The following CNTN4 variants were observed in gnomAD, a reference collection of about 807,000 sequenced individuals.
The protein encoded by CNTN4 is contactin 4.
In CNTN4, 77 loss-of-function variants were observed where a neutral mutation model predicts 122.5. The ratio of observed to expected loss-of-function variants is 0.63; its 90% CI spans 0.52 to 0.76. CNTN4 has a LOEUF of 0.76. CNTN4 is among the 30% of genes least tolerant of loss of function. The pLI is 0.00. For missense variants in CNTN4, 1,256 were observed against 1,259.1 expected (o/e 1.00, Z 0.04); for synonymous variants, 512 against 447.0 (o/e 1.15, Z -1.83).
At chr3:2,745,065 C>G (rs997611898) in intron 5 of CNTN4, among the ~76,000 whole-genome samples, 2 of 152,156 alleles carry the variant, frequency 1.3e-5, no homozygotes, top group Non-Finnish European at 2.9e-5. Context: ...AGGACCAAAT[C>G]AAAGCAACTC....
chr3:2,737,607 A>G (rs541653567), intron 5 of CNTN4, among the ~76,000 whole-genome samples: 1 of 152,376 alleles, frequency 6.6e-6, no homozygotes, highest in Non-Finnish European at 1.5e-5. Context: ...GAAATGTCAG[A>G]AGTCTACAAG....
At chr3:2,188,689 G>C (rs2149323007) in intron 2 of CNTN4, among the ~76,000 whole-genome samples, 1 of 152,266 alleles carries the variant, frequency 6.6e-6, no homozygotes, top group Non-Finnish European at 1.5e-5. Flanking sequence ...AGACAGAAAG[G>C]CAGTAATTAG....
intron 3 of CNTN4, among the ~76,000 whole-genome samples, chr3:2,413,558 T>G (rs2047305485): frequency 6.6e-6 from 1 of 152,156 alleles, no homozygotes; most frequent in Non-Finnish European, 1.5e-5. Flanking sequence ...TTCTTTTTTT[T>G]TTTGAGACGG....
chr3:2,217,424 C>T (rs1235531625), intron 2 of CNTN4, among the ~76,000 whole-genome samples: 1 of 152,172 alleles, frequency 6.6e-6, no homozygotes, highest in Non-Finnish European at 1.5e-5. Context: ...TTATTGCTGT[C>T]ACCTCCAGAA....
At chr3:2,556,825 T>C (rs1467889383) in intron 3 of CNTN4, among the ~76,000 whole-genome samples, 1 of 152,188 alleles carries the variant, frequency 6.6e-6, no homozygotes, top group Non-Finnish European at 1.5e-5. Context: ...AGGGTGTGTG[T>C]AGTTTAGTTA....
chr3:2,106,765 A>C (rs1266804777), intron 2 of CNTN4, among the ~76,000 whole-genome samples: 4 of 152,178 alleles, frequency 2.6e-5, no homozygotes, highest in Admixed American at 2.0e-4. Flanking sequence ...AGCTGGCTTG[A>C]ATTTCTCCCC....
At chr3:2,867,957 T>TCAAA (rs2093742654) in intron 8 of CNTN4, among the ~76,000 whole-genome samples, 1 of 152,144 alleles carries the variant, frequency 6.6e-6, no homozygotes, top group Non-Finnish European at 1.5e-5. Flanking sequence ...TTGAATAAAT[T>TCAAA]CAAACAAAGA....
In CNTN4 at chr3:2,981,229, G is replaced by A. The variant is rs527563923; in HGVS notation, c.1359-7116G>A. ...GCAGGCCGAGGCAGGCAGATCACGA[G>A]GTCAGGAGATCGAGACCATCCTGGC... On this transcript the variant is annotated intron_variant, in intron 13 of 24. Coordinates refer to ENST00000418658, the MANE Select transcript of CNTN4 (RefSeq NM_175607.3). 2.2e-4 allele frequency among the ~76,000 whole-genome samples: 33 copies of A among 152,248 alleles called. No homozygotes were observed. The East Asian group carries it at 5.6e-3, about 26-fold the overall frequency.
chr3:2,370,445 A>G (rs1345959622), intron 3 of CNTN4, among the ~76,000 whole-genome samples: 1 of 152,184 alleles, frequency 6.6e-6, no homozygotes, highest in Non-Finnish European at 1.5e-5. Context: ...AGTCAAGTAT[A>G]ATGACATCCA....
intron 2 of CNTN4, among the ~76,000 whole-genome samples, chr3:2,308,586 A>G (rs1275652879): frequency 3.3e-5 from 5 of 152,046 alleles, no homozygotes; most frequent in Admixed American, 2.0e-4. Context: ...ATATTCTGTT[A>G]TCATTTTCAT....
chr3:2,735,835 C>T, intron 4 of CNTN4: 1 of 398,586 alleles, frequency 2.5e-6, no homozygotes, highest in South Asian at 1.9e-5. Context: ...AAAATGTTAG[C>T]TTTATGACAC....
chr3:2,476,804 A>G (rs769582945), intron 3 of CNTN4, among the ~76,000 whole-genome samples: 49 of 152,186 alleles, frequency 3.2e-4, no homozygotes, highest in South Asian at 6.2e-4. Flanking sequence ...GAATTTTTAT[A>G]CTCTGTAAAG....
At chr3:2,789,302 A>G (rs1248397772) in intron 6 of CNTN4, among the ~76,000 whole-genome samples, 1 of 152,240 alleles carries the variant, frequency 6.6e-6, no homozygotes, top group Non-Finnish European at 1.5e-5. Flanking sequence ...GAGCACTTGC[A>G]AGAATTGAAG....
chr3:2,256,549 A>C (rs1018344154), intron 2 of CNTN4, among the ~76,000 whole-genome samples: 6 of 152,190 alleles, frequency 3.9e-5, no homozygotes, highest in African/African-American at 1.4e-4. Context: ...TCAGTAAAAT[A>C]CTGGCAAACC....
At chr3:2,853,726 C>T (rs185891529) in intron 7 of CNTN4, among the ~76,000 whole-genome samples, 3 of 152,174 alleles carry the variant, frequency 2.0e-5, no homozygotes, top group Admixed American at 6.5e-5. Context: ...ACTTTGCGCT[C>T]GCTCTCTGTT....
chr3:2,313,421 A>G, intron 2 of CNTN4, among the ~76,000 whole-genome samples: 1 of 152,094 alleles, frequency 6.6e-6, no homozygotes, highest in East Asian at 1.9e-4. Context: ...CTCCAAAAAA[A>G]TGCAGTGTGC....
At chr3:2,212,279 C>T (rs1472262992) in intron 2 of CNTN4, among the ~76,000 whole-genome samples, 1 of 151,984 alleles carries the variant, frequency 6.6e-6, no homozygotes, top group African/African-American at 2.4e-5. Context: ...CAGACCTCCT[C>T]ATCATGTTGA....
chr3:2,603,115 CAA>C lies in CNTN4; in HGVS notation c.55+31567_55+31568del, dbSNP rs11329361. Among the ~76,000 whole-genome samples the C allele has an allele frequency of 3.3e-3, 497 of 151,020 alleles. 3 individuals are homozygous for C. The highest frequency in any genetic ancestry group is 0.011 in the African/African-American group (472 of 41,260). On this transcript the variant is annotated intron_variant, in intron 4 of 24. Transcript: ENST00000418658. ...TTTTCTGTGCCTCTCAATTTTCTGC[CAA>C]AAAAAAAAATTTCTGAGAATTTTGT... is the stretch of plus-strand genomic sequence containing the variant.
intron 6 of CNTN4, among the ~76,000 whole-genome samples, chr3:2,748,944 T>C (rs1170058138): frequency 6.6e-6 from 1 of 152,206 alleles, no homozygotes; most frequent in African/African-American, 2.4e-5. Context: ...CTTGATACTT[T>C]TGTTCCCTCT....
Sources: gnomAD v4.1 joint callset for allele counts (sites outside exome capture counted in the v4.1 genomes callset) on GRCh38, gnomAD v4.1.1 for gene constraint, MANE v1.5 for transcripts, NCBI Gene and HGNC (gene_info 2026-07-23, HGNC 2026-07-21) for gene names.